Variants in HTT observed in about 807,000 individuals in gnomAD.
HTT encodes huntington disease protein.
In HTT, 104 loss-of-function variants were observed where a neutral mutation model predicts 362.3. That is an observed-to-expected ratio of 0.29 (90% CI 0.24 to 0.34). The LOEUF is 0.34. HTT is among the 10% of genes least tolerant of loss of function. The pLI is 1.00. For missense variants in HTT, 3,301 were observed against 3,928.6 expected (o/e 0.84, Z 4.27); for synonymous variants, 1,577 against 1,548.7 (o/e 1.02, Z -0.43).
chr4:3,235,576 G>C lies in HTT; in HGVS notation c.8583G>C (p.Val2861=). 6.2e-7 allele frequency: 1 copy of C among 1,613,894 alleles called. No individual in the cohort carries two copies. The highest frequency in any genetic ancestry group is 8.5e-7 in the Non-Finnish European group (1 of 1,179,978). The change falls in exon 63 of 67, where the codon GTG becomes GTC. Residue 2861 remains valine, a synonymous_variant. Coordinates refer to ENST00000355072, the MANE Select transcript of HTT (RefSeq NM_001388492.1). ...FSASIIQMCG[V]MLSGSEESTP... ...TTCTCCCTGTGCAGATGTGTGGGGT[G>C]ATGCTGTCTGGAAGTGAGGAGTCCA... is the stretch of plus-strand genomic sequence containing the variant.
Position 3,182,507 on chromosome 4 carries a change from G to A in HTT, c.4866+37G>A, listed in dbSNP as rs200426763. The A allele has an allele frequency of 6.8e-5, 90 of 1,325,002 alleles. No individual in the cohort carries two copies. In the African/African-American group the frequency reaches 9.7e-4, roughly 14 times the overall value. The allele number at this position is 1,325,002 out of a possible 1,614,324, so 82.1% of individuals were successfully genotyped here. On this transcript the variant is annotated intron_variant, in intron 37 of 66. Transcript: ENST00000355072. ...CAGCCTTGGCTTGTTGTTGCATAGT[G>A]ATGGTAGCTTAAGGTCCTTGTGAAA...
chr4:3,231,131 C>T (rs1368553660), intron 60 of HTT, among the ~76,000 whole-genome samples: 1 of 152,238 alleles, frequency 6.6e-6, no homozygotes, highest in Non-Finnish European at 1.5e-5. Flanking sequence ...CCTCTGGTTC[C>T]TTGTCATGTG....
intron 29 of HTT, among the ~76,000 whole-genome samples, chr4:3,164,386 G>A (rs1717596165): frequency 6.6e-6 from 1 of 152,198 alleles, no homozygotes; most frequent in African/African-American, 2.4e-5. Context: ...GTGGTGCTGA[G>A]AAGAATGTAT....
At chr4:3,237,234 C>T (rs532321343) in intron 64 of HTT, among the ~76,000 whole-genome samples, 5 of 152,108 alleles carry the variant, frequency 3.3e-5, no homozygotes, top group African/African-American at 1.2e-4. Context: ...CCACCATGCC[C>T]AGCTAATTTT....
rs1209778122 is a variant in HTT, at chr4:3,243,757, C to T, written c.*3698C>T. The T allele has an allele frequency of 6.6e-6, 1 of 152,294 alleles. No homozygotes were observed. Among genetic ancestry groups the T allele is most frequent in the Non-Finnish European group, 1.5e-5 (1 of 68,082 alleles). 9.4% of individuals were successfully genotyped at this position (152,294 alleles called of 1,614,324 possible). A position where few individuals can be genotyped will look rare whatever the true frequency, so the allele number is the denominator to read the frequency against. ...GGGCCTCCTTGTCCAGGTCTCACTG[C>T]TTTGCACCGTGGTCAGAGGGACTGT... On this transcript the variant is annotated 3_prime_UTR_variant, in exon 67 of 67. Transcript: ENST00000355072.
At chr4:3,229,197 G>A (rs1389732855) in intron 59 of HTT, among the ~76,000 whole-genome samples, 188 bp downstream of exon 59, 4 of 129,326 alleles carry the variant, frequency 3.1e-5, no homozygotes, top group African/African-American at 1.2e-4. Flanking sequence ...ACACATACAC[G>A]GCATGCACCA....
intron 31 of HTT, among the ~76,000 whole-genome samples, chr4:3,173,897 T>C (rs1469772869): frequency 6.6e-6 from 1 of 152,136 alleles, no homozygotes; most frequent in African/African-American, 2.4e-5. Context: ...GGTCTCGATC[T>C]CCTGACCTCG....
intron 48 of HTT, 111 bp downstream of exon 48, chr4:3,212,253 G>A (rs1347075513): frequency 2.7e-5 from 23 of 858,498 alleles, no homozygotes; most frequent in Middle Eastern, 3.5e-4. Context: ...CATTGAAAGC[G>A]TTTACAGAGG....
intron 51 of HTT, among the ~76,000 whole-genome samples, chr4:3,215,505 T>TA (rs1263970946): frequency 6.6e-6 from 1 of 152,212 alleles, no homozygotes; most frequent in African/African-American, 2.4e-5. Context: ...ACTCTGCAGT[T>TA]ATTCTGAGAT....
intron 29 of HTT, among the ~76,000 whole-genome samples, chr4:3,160,901 A>G (rs1717408781): frequency 6.6e-6 from 1 of 151,800 alleles, no homozygotes; most frequent in African/African-American, 2.4e-5. Flanking sequence ...TTTGGTGGCT[A>G]ATTTCAGTTT....
At chr4:3,129,043 A>G (rs1196202088) in intron 12 of HTT, 3 of 152,206 alleles carry the variant, frequency 2.0e-5, no homozygotes, top group Admixed American at 2.0e-4. Context: ...TTTACTTAGC[A>G]TAATGTCCCC....
At chr4:3,100,123 C>T (rs1018613724) in intron 3 of HTT, among the ~76,000 whole-genome samples, 5 of 152,156 alleles carry the variant, frequency 3.3e-5, no homozygotes, top group Non-Finnish European at 5.9e-5. Context: ...CTACAGGCAC[C>T]AGAGAAGCCA....
chr4:3,123,175 C>T (rs1230654264), intron 10 of HTT: 5 of 381,124 alleles, frequency 1.3e-5, no homozygotes, highest in Non-Finnish European at 2.3e-5. Flanking sequence ...AAATTTTGAA[C>T]GCATCATAAA....
chr4:3,231,580 C>G (rs1721255053), intron 60 of HTT, among the ~76,000 whole-genome samples: 1 of 152,192 alleles, frequency 6.6e-6, no homozygotes, highest in South Asian at 2.1e-4. Context: ...CCTCCCCGAG[C>G]CCAAACGCCA....
chr4:3,074,924 G>C lies in HTT; in HGVS notation c.99G>C (p.Gln33His), dbSNP rs758426055. The change falls in exon 1 of 67, where the codon CAG (glutamine) becomes CAC (histidine). Residue 33 changes from glutamine to histidine, a missense_variant. By Grantham distance (24) the Gln-to-His change is conservative. This residue lies in a region of HTT where 2,316 missense variants were observed against 2,658.5 expected (regional missense o/e 0.87). Transcript: ENST00000355072. ...AGCAGCAGCAGCAGCAGCAGCAGCAGCAGCAGCAGCAACAGCCGCCACCGC... is the reference window on the plus strand; with the variant it reads ...AGCAGCAGCAGCAGCAGCAGCAGCACCAGCAGCAGCAACAGCCGCCACCGC... ...QQQQQQQQQQ[Q>H]QQQQQPPPPP... is the part of the protein sequence containing the mutation. 7.7e-7 allele frequency: 1 copy of C among 1,302,880 alleles called. No homozygotes were observed. The highest frequency in any genetic ancestry group is 1.0e-6 in the Non-Finnish European group (1 of 990,032). The allele number at this position is 1,302,880 out of a possible 1,614,324, so 80.7% of individuals were successfully genotyped here.
In HTT at chr4:3,206,132, G is replaced by A. The variant is rs1306606817; in HGVS notation, c.5719-364G>A. ...AGCCCGGGAGAGGGCAGGCAGTGCT[G>A]TGGATGGGGTCATCCCAGCGCAACG... On this transcript the variant is annotated intron_variant, in intron 42 of 66. Coordinates refer to ENST00000355072, the MANE Select transcript of HTT (RefSeq NM_001388492.1). This position sits in a 1 kb window ranked among gnomAD's most constrained non-coding sequence, Gnocchi z 4.6. 6.6e-6 allele frequency among the ~76,000 whole-genome samples: 1 copy of A among 152,254 alleles called. No homozygotes were observed. The highest frequency in any genetic ancestry group is 1.5e-5 in the Non-Finnish European group (1 of 68,048).
At chr4:3,151,004 A>G (rs937802820) in intron 26 of HTT, among the ~76,000 whole-genome samples, 1 of 151,222 alleles carries the variant, frequency 6.6e-6, no homozygotes, top group South Asian at 2.1e-4. Flanking sequence ...GTGCCATTGC[A>G]CTCCAGCCTG....
chr4:3,192,459 C>G (rs1719055119), intron 40 of HTT, among the ~76,000 whole-genome samples: 1 of 152,176 alleles, frequency 6.6e-6, no homozygotes. Context: ...AGGCTGTGTT[C>G]TCAGCCCCTC....
At chr4:3,203,021 AAACGG>A (rs1202167369) in intron 41 of HTT, 7 of 152,210 alleles carry the variant, frequency 4.6e-5, no homozygotes, top group African/African-American at 1.7e-4. Context: ...AAAAAGAAAG[AAACGG>A]AACCACGCGG....
Sources: gnomAD v4.1 joint callset for allele counts (sites outside exome capture counted in the v4.1 genomes callset) on GRCh38, gnomAD v4.1.1 for gene constraint, gnomAD v4.1.1 regional missense constraint, Gnocchi (gnomAD v3.1) non-coding constraint, MANE v1.5 for transcripts, NCBI Gene and HGNC (gene_info 2026-07-23, HGNC 2026-07-21) for gene names.